ANKAR: variants seen among roughly 807,000 people sequenced by gnomAD.
The protein encoded by ANKAR is ankyrin and armadillo repeat containing.
ANKAR carries 136 observed loss-of-function variants against 146.2 expected under a neutral mutation model. The observed-to-expected ratio is 0.93, with a 90% CI of 0.81 to 1.07. ANKAR has a LOEUF of 1.07. ANKAR is among the 50% of genes least tolerant of loss of function. ANKAR has a pLI of 0.00. For synonymous variants in ANKAR, 500 were observed against 575.8 expected (o/e 0.87, Z 1.88); for missense variants, 1,567 against 1,679.9 (o/e 0.93, Z 1.18).
Position 189,753,145 on chromosome 2 carries a change from A to G in ANKAR, c.*585-7953A>G. The G allele has an allele frequency of 6.1e-6, 3 of 491,586 alleles. No homozygotes were observed. The Admixed American group carries it at 1.2e-4, about 19-fold the overall frequency. 30.5% of individuals were successfully genotyped at this position (491,586 alleles called of 1,614,324 possible). On this transcript the variant is annotated intron_variant and NMD_transcript_variant, in intron 18 of 18. Coordinates refer to the ANKAR transcript ENST00000441800. ...ATGTAATAAAAATTTGGAAAGAAAA[A>G]AATTACTAATAATTCTAATAGCATA...
chr2:189,718,615 A>G (rs887359213), intron 10 of ANKAR, among the ~76,000 whole-genome samples: 4 of 152,200 alleles, frequency 2.6e-5, no homozygotes, highest in Admixed American at 6.5e-5. Context: ...AGACAGCTAA[A>G]TAAATAAGGT....
chr2:189,689,607 A>C lies in ANKAR; in HGVS notation c.682A>C (p.Asn228His). 1 of 1,613,782 alleles carries C rather than the reference A, an allele frequency of 6.2e-7. No homozygotes were observed. Among genetic ancestry groups the C allele is most frequent in the Non-Finnish European group, 8.5e-7 (1 of 1,179,828 alleles). The change falls in exon 3 of 23, where the codon AAC (asparagine) becomes CAC (histidine). Residue 228 changes from asparagine (N) to histidine (H), a missense_variant. Transcript: ENST00000684021. ...GAATGAAGATCCAACATATGATCCCAACAGCCCTGAAGAAACAGCTGTATT... is the reference window on the plus strand; with the variant it reads ...GAATGAAGATCCAACATATGATCCCCACAGCCCTGAAGAAACAGCTGTATT... ...DVNEDPTYDP[N>H]SPEETAVFMK...
chr2:189,703,402 G>A (rs116313800), intron 7 of ANKAR, among the ~76,000 whole-genome samples: 26 of 152,076 alleles, frequency 1.7e-4, no homozygotes, highest in Admixed American at 5.9e-4. Flanking sequence ...TAAGAGGGAG[G>A]TGCCAAAGAG....
chr2:189,717,508 C>A (rs570654774), intron 10 of ANKAR, among the ~76,000 whole-genome samples: 1 of 152,254 alleles, frequency 6.6e-6, no homozygotes, highest in African/African-American at 2.4e-5. Flanking sequence ...ACTAGTTCAA[C>A]CATTGTGGAA....
chr2:189,720,639 A>G lies in ANKAR; in HGVS notation c.2487A>G (p.Ile829Met). The change falls in exon 12 of 23, where the codon ATA becomes ATG. Residue 829 changes from isoleucine (I) to methionine (M), a missense_variant. Coordinates refer to ENST00000684021, the MANE Select transcript of ANKAR (RefSeq NM_001378068.1). ...TTTAGAATGGAATCCCAAGCCTGAT[A>G]AATCTATTGAACTTAAACATAGAAA... ...IAKYNGIPSL[I>M]NLLNLNIENV... 7.3e-7 allele frequency: 1 copy of G among 1,363,416 alleles called. No individual in the cohort carries two copies. Among genetic ancestry groups the G allele is most frequent in the Non-Finnish European group, 9.5e-7 (1 of 1,047,254 alleles). The allele number at this position is 1,363,416 out of a possible 1,614,324, so 84.5% of individuals were successfully genotyped here.
At chr2:189,741,246 G>A in intron 19 of ANKAR, 96 bp from the exon 20 acceptor site, 1 of 800,524 alleles carries the variant, frequency 1.2e-6, no homozygotes, top group Non-Finnish European at 1.9e-6. Context: ...GATGTCTTGT[G>A]ACACAAACTT....
At position 189,677,203 on chromosome 2, in the gene ANKAR, G is replaced by A. The variant is rs1472225670; in HGVS notation, c.601+112G>A. ...TGAGCTCAAGCCATTCACCCACCTA[G>A]GCCTCCCAAAGTGCTAGGATTACAG... is the stretch of plus-strand genomic sequence containing the variant. On this transcript the variant is annotated intron_variant, in intron 2 of 22. Transcript: ENST00000684021. 4 of 1,113,040 alleles carry A rather than the reference G, an allele frequency of 3.6e-6. No homozygotes were observed. In the East Asian group the frequency reaches 7.9e-5, roughly 22 times the overall value. 68.9% of individuals were successfully genotyped at this position (1,113,040 alleles called of 1,614,324 possible). A position where few individuals can be genotyped will look rare whatever the true frequency, so the allele number is the denominator to read the frequency against.
At chr2:189,677,172 A>G in intron 2 of ANKAR, 81 bp downstream of exon 2, 1 of 1,368,786 alleles carries the variant, frequency 7.3e-7, no homozygotes, top group Non-Finnish European at 9.6e-7. Context: ...GGTGGTCACG[A>G]ACCCCTGAGC....
At chr2:189,762,972 T>G, downstream of ANKAR, 1 of 985,302 alleles carries the variant, frequency 1.0e-6, no homozygotes, top group South Asian at 4.7e-5. Context: ...TAGTGACTGA[T>G]CCAGCGGAGG....
At chr2:189,726,658 G>T (rs762220066) in intron 12 of ANKAR, among the ~76,000 whole-genome samples, 5 of 152,092 alleles carry the variant, frequency 3.3e-5, no homozygotes, top group Non-Finnish European at 5.9e-5. Flanking sequence ...ACATGGTCCT[G>T]GTCTGGATCC....
intron 19 of ANKAR, among the ~76,000 whole-genome samples, chr2:189,739,861 C>G (rs1184994054): frequency 6.6e-6 from 1 of 152,138 alleles, no homozygotes; most frequent in Non-Finnish European, 1.5e-5. Context: ...CACACCTGGC[C>G]TCCACAAACT....
chr2:189,696,218 T>C lies in ANKAR; in HGVS notation c.1557T>C (p.Arg519=), dbSNP rs2037182258. 1 of 1,614,122 alleles carries C rather than the reference T, an allele frequency of 6.2e-7. No individual in the cohort carries two copies. The highest frequency in any genetic ancestry group is 8.5e-7 in the Non-Finnish European group (1 of 1,180,000). The change falls in exon 7 of 23, where the codon CGT becomes CGC. Residue 519 remains arginine (R), a synonymous_variant. Transcript: ENST00000684021. ...CTGCAGTTTTCCACACATTTAGCCG[T>C]AAAACCTCAAGCTCAACAATCAATG... ...GLSAVFHTFS[R]KTSSSTINVS...
At chr2:189,743,514 G>C in intron 21 of ANKAR, 40 bp downstream of exon 21, 1 of 1,548,904 alleles carries the variant, frequency 6.5e-7, no homozygotes, top group Non-Finnish European at 8.9e-7. Context: ...TGAAATCATC[G>C]ATAGAGGAGA....
intron 19 of ANKAR, among the ~76,000 whole-genome samples, chr2:189,739,805 G>T (rs183161154): frequency 2.0e-5 from 3 of 151,878 alleles, no homozygotes; most frequent in Non-Finnish European, 4.4e-5. Flanking sequence ...CTCATGATCC[G>T]CCCGCCTCGG....
intron 18 of ANKAR, among the ~76,000 whole-genome samples, chr2:189,757,998 G>A (rs765022994): frequency 6.6e-6 from 1 of 152,180 alleles, no homozygotes; most frequent in African/African-American, 2.4e-5. Context: ...GTTGAAGATG[G>A]GGCCTGGTGG....
intron 7 of ANKAR, among the ~76,000 whole-genome samples, chr2:189,704,560 TA>T (rs2038597428): frequency 2.7e-5 from 2 of 73,054 alleles, no homozygotes; most frequent in South Asian, 4.7e-4. Context: ...TATATATATA[TA>T]TATATATATA....
At chr2:189,718,306 C>A (rs199903803) in intron 10 of ANKAR, among the ~76,000 whole-genome samples, 1 of 82,628 alleles carries the variant, frequency 1.2e-5, no homozygotes, top group Non-Finnish European at 2.7e-5. Context: ...CTATATCTAT[C>A]TATATATCTA....
At position 189,695,146 on chromosome 2, in the gene ANKAR, A is replaced by C; in HGVS notation, c.1473A>C (p.Arg491Ser). 6.2e-7 allele frequency: 1 copy of C among 1,603,482 alleles called. No individual in the cohort carries two copies. The highest frequency in any genetic ancestry group is 8.5e-7 in the Non-Finnish European group (1 of 1,176,644). The part of the protein sequence containing the change: ...EQFKKKLGFK[R>S]AMKCKSIPFG... The stretch of plus-strand genomic sequence containing the variant: ...TTAAGAAAAAGCTTGGTTTCAAAAG[A>C]GCTATGAAATGCAAGGTATTTCAGT... Residue 491 changes from arginine (R) to serine (S), a missense_variant, in exon 6 of 23, where the codon AGA (arginine) becomes AGC (serine). Transcript: ENST00000684021.
At chr2:189,679,424 T>A (rs938633581) in intron 2 of ANKAR, among the ~76,000 whole-genome samples, 1 of 152,210 alleles carries the variant, frequency 6.6e-6, no homozygotes, top group African/African-American at 2.4e-5. Context: ...ACAGTTTGAC[T>A]TCCTCTTTAC....
Sources: gnomAD v4.1 joint callset for allele counts (sites outside exome capture counted in the v4.1 genomes callset) on GRCh38, gnomAD v4.1.1 for gene constraint, MANE v1.5 for transcripts, NCBI Gene and HGNC (gene_info 2026-07-23, HGNC 2026-07-21) for gene names.